The following PDZRN4 variants were observed in gnomAD, a reference collection of about 807,000 sequenced individuals.
PDZRN4 encodes the protein PDZ domain containing ring finger 4, also known as PDZ domain-containing RING finger protein 4.
Under a neutral mutation model 99.0 loss-of-function variants are expected in PDZRN4, and 70 were observed. That is an observed-to-expected ratio of 0.71 (90% CI 0.58 to 0.86). The LOEUF (loss-of-function observed/expected upper bound fraction) is 0.86. Ranked by LOEUF, PDZRN4 falls within the 40% of genes least tolerant of loss-of-function variation. The probability of loss-of-function intolerance (pLI) is 0.00; values close to 1 mark genes in which losing one functional copy is unlikely to be tolerated. For missense variants in PDZRN4, 1,474 were observed against 1,331.2 expected, an observed-to-expected ratio of 1.11 and a Z score of -1.67; for synonymous variants, 551 against 501.6, an observed-to-expected ratio of 1.10 and a Z score of -1.32.
intron 3 of PDZRN4, among the ~76,000 whole-genome samples, chr12:41,326,396 T>G (rs1225098275): frequency 6.6e-6 from 1 of 152,198 alleles, no homozygotes; most frequent in Non-Finnish European, 1.5e-5. Flanking sequence ...CTATTTGCTT[T>G]TATTTTCTGG....
chr12:41,201,229 C>T (rs1356698620), intron 3 of PDZRN4, among the ~76,000 whole-genome samples: 1 of 150,876 alleles, frequency 6.6e-6, no homozygotes, highest in East Asian at 1.9e-4. Flanking sequence ...GGACAGGCCT[C>T]TCTGCTTTTA....
intron 3 of PDZRN4, among the ~76,000 whole-genome samples, chr12:41,263,708 C>G (rs1026208316): frequency 7.9e-5 from 12 of 151,936 alleles, no homozygotes; most frequent in African/African-American, 2.9e-4. Flanking sequence ...AAAATAGAGT[C>G]TATCAATAAG....
intron 3 of PDZRN4, chr12:41,437,846 A>C (rs1952644102): frequency 6.2e-7 from 1 of 1,605,044 alleles, no homozygotes. Flanking sequence ...TGACTGATGA[A>C]AAACAGTAGT....
At chr12:41,541,239 A>G (rs1259099882) in intron 5 of PDZRN4, among the ~76,000 whole-genome samples, 1 of 150,718 alleles carries the variant, frequency 6.6e-6, no homozygotes, top group Non-Finnish European at 1.5e-5. Context: ...CAGCCCTACA[A>G]CTCTTAATTC....
chr12:41,377,480 C>T lies in PDZRN4; in HGVS notation c.844-128976C>T, dbSNP rs549803499. Among the ~76,000 whole-genome samples, 348 of 152,172 alleles carry T rather than the reference C, an allele frequency of 2.3e-3. 2 individuals carry two copies. The highest frequency in any genetic ancestry group is 7.5e-3 in the African/African-American group (311 of 41,506). On this transcript the variant is annotated intron_variant, in intron 3 of 9. Transcript: ENST00000402685. ...GAGATCAAGACCTTCCTGGCTAACA[C>T]GGTGAAACCCTATCTCTATTAAAAA...
At chr12:41,515,918 G>C (rs532311046) in intron 5 of PDZRN4, among the ~76,000 whole-genome samples, 29 of 151,952 alleles carry the variant, frequency 1.9e-4, no homozygotes, top group African/African-American at 6.8e-4. Flanking sequence ...GCCTGGCATT[G>C]AGGGTCCTTG....
At chr12:41,329,695 T>C (rs534980943) in intron 3 of PDZRN4, among the ~76,000 whole-genome samples, 1 of 152,274 alleles carries the variant, frequency 6.6e-6, no homozygotes, top group East Asian at 1.9e-4. Context: ...CAAAATGAGA[T>C]TCTTAATTGC....
At chr12:41,335,936 C>A (rs1168879855) in intron 3 of PDZRN4, among the ~76,000 whole-genome samples, 1 of 152,026 alleles carries the variant, frequency 6.6e-6, no homozygotes, top group African/African-American at 2.4e-5. Flanking sequence ...ATGAGAGTTT[C>A]TTTAAGAAAT....
rs117137387 is a variant in PDZRN4 at position 41,332,564 on chromosome 12, A to G, written c.843+138376A>G. Reference sequence around the variant, plus strand: ...AAGATCCTCTGATACAAGAAGGTTAAGAACCTAGGGGTCTTGTGATTGCAT... The same window carrying G: ...AAGATCCTCTGATACAAGAAGGTTAGGAACCTAGGGGTCTTGTGATTGCAT... On this transcript the variant is annotated intron_variant, in intron 3 of 9. Coordinates refer to ENST00000402685, the MANE Select transcript of PDZRN4 (RefSeq NM_001164595.2). 5.8e-4 allele frequency among the ~76,000 whole-genome samples: 88 copies of G among 152,048 alleles called. No individual in the cohort carries two copies. The East Asian group carries it at 0.016, about 27-fold the overall frequency.
intron 3 of PDZRN4, among the ~76,000 whole-genome samples, chr12:41,267,463 G>A (rs1007594801): frequency 1.3e-5 from 2 of 151,970 alleles, no homozygotes; most frequent in African/African-American, 2.4e-5. Context: ...AGAGAACCAG[G>A]GTTTTCCATC....
intron 3 of PDZRN4, among the ~76,000 whole-genome samples, chr12:41,241,441 C>T (rs75687329): frequency 0.017 from 2,638 of 152,314 alleles, 41 homozygotes; most frequent in East Asian, 0.06. Flanking sequence ...AAAATCAATC[C>T]TTAAGCGAAA....
chr12:41,561,194 A>G (rs1231272016), intron 7 of PDZRN4, among the ~76,000 whole-genome samples: 1 of 152,208 alleles, frequency 6.6e-6, no homozygotes, highest in Non-Finnish European at 1.5e-5. Flanking sequence ...TGAGGTAGAT[A>G]TCTTTTAAAA....
At chr12:41,311,619 C>T (rs1401897832) in intron 3 of PDZRN4, among the ~76,000 whole-genome samples, 2 of 152,146 alleles carry the variant, frequency 1.3e-5, no homozygotes, top group Non-Finnish European at 2.9e-5. Context: ...AAATTTCTGC[C>T]TACTCTTACA....
In PDZRN4 at chr12:41,197,697, A is replaced by G. The variant is rs186350272; in HGVS notation, c.843+3509A>G. On this transcript the variant is annotated intron_variant, in intron 3 of 9. Coordinates refer to ENST00000402685, the MANE Select transcript of PDZRN4 (RefSeq NM_001164595.2). ...GCTGAATAAAAGCATGCTGTTTTTC[A>G]TTCTTTCAAGAATCAAAGGAATCAC... Among the ~76,000 whole-genome samples the G allele has an allele frequency of 3.1e-3, 476 of 152,228 alleles. 1 individual carries two copies. Among genetic ancestry groups the G allele is most frequent in the Middle Eastern group, 0.014 (4 of 294 alleles).
At chr12:41,373,958 G>T (rs1790829740) in intron 3 of PDZRN4, among the ~76,000 whole-genome samples, 1 of 152,122 alleles carries the variant, frequency 6.6e-6, no homozygotes, top group African/African-American at 2.4e-5. Flanking sequence ...TCCGTTCGGG[G>T]TCCCTGACTT....
At chr12:41,459,080 G>A (rs936633514) in intron 3 of PDZRN4, among the ~76,000 whole-genome samples, 1 of 151,998 alleles carries the variant, frequency 6.6e-6, no homozygotes, top group Non-Finnish European at 1.5e-5. Flanking sequence ...GTAGAAGAAT[G>A]GGTGCCAAAA....
intron 3 of PDZRN4, among the ~76,000 whole-genome samples, chr12:41,423,869 C>A (rs149648916): frequency 2.6e-5 from 4 of 152,128 alleles, no homozygotes; most frequent in Non-Finnish European, 5.9e-5. Context: ...TCAGTCCTAT[C>A]AGCAGCACCA....
chr12:41,249,292 T>G (rs945259010), intron 3 of PDZRN4, among the ~76,000 whole-genome samples: 3 of 152,228 alleles, frequency 2.0e-5, no homozygotes, highest in African/African-American at 7.2e-5. Context: ...AGTACATTGT[T>G]AGTATGAACT....
chr12:41,430,981 AAAC>A (rs1952581882), intron 3 of PDZRN4, among the ~76,000 whole-genome samples: 1 of 152,154 alleles, frequency 6.6e-6, no homozygotes, highest in Non-Finnish European at 1.5e-5. Flanking sequence ...ACGGACTTTT[AAAC>A]AACCAGATCT....
Sources: allele counts gnomAD v4.1 joint callset (sites outside exome capture counted in the v4.1 genomes callset), GRCh38; gene constraint gnomAD v4.1.1; transcripts MANE v1.5; gene names NCBI Gene and HGNC (gene_info 2026-07-23, HGNC 2026-07-21).